The following DYDC2 variants were observed in gnomAD, a reference collection of about 807,000 sequenced individuals.
The protein encoded by DYDC2 is DPY30 domain-containing protein 2.
Under a neutral mutation model 18.7 loss-of-function variants are expected in DYDC2, and 19 were observed. The observed-to-expected ratio is 1.02, with a 90% CI of 0.71 to 1.49. The LOEUF is 1.49. Among genes scored for constraint, DYDC2 ranks in the 40% most tolerant of loss-of-function variants. The pLI is 0.00. For missense variants in DYDC2, 179 were observed against 205.1 expected (o/e 0.87, Z 0.78); for synonymous variants, 63 against 67.6 (o/e 0.93, Z 0.34).
intron 2 of DYDC2, among the ~76,000 whole-genome samples, chr10:80,359,219 G>C (rs1167382530): frequency 6.6e-6 from 1 of 152,180 alleles, no homozygotes; most frequent in Non-Finnish European, 1.5e-5. Flanking sequence ...CAATCCTTGA[G>C]CTAGACACAA....
chr10:80,354,113 C>G (rs1358390747), upstream of DYDC2, among the ~76,000 whole-genome samples: 1 of 144,552 alleles, frequency 6.9e-6, no homozygotes, highest in Non-Finnish European at 1.5e-5. Flanking sequence ...GAGACTCTGT[C>G]TCATATATAA....
upstream of DYDC2, chr10:80,351,783 T>C: frequency 3.4e-6 from 3 of 875,248 alleles, no homozygotes; most frequent in South Asian, 3.4e-5. Flanking sequence ...AAGATGAAGA[T>C]ATTAGGAAGC....
chr10:80,359,630 A>C (rs1413899999), intron 2 of DYDC2, among the ~76,000 whole-genome samples: 1 of 152,086 alleles, frequency 6.6e-6, no homozygotes, highest in African/African-American at 2.4e-5. Context: ...GCATGTCCGG[A>C]GCCCCGTGGG....
chr10:80,356,752 C>T (rs1034891528), upstream of DYDC2: 10 of 985,354 alleles, frequency 1.0e-5, no homozygotes, highest in Middle Eastern at 5.2e-4. Flanking sequence ...AGCGGCGTCC[C>T]GTTGCCAGGC....
chr10:80,357,364 G>C (rs990429384), intron 1 of DYDC2, among the ~76,000 whole-genome samples: 1 of 151,974 alleles, frequency 6.6e-6, no homozygotes, highest in Non-Finnish European at 1.5e-5. Flanking sequence ...TGGGTGAGCC[G>C]AGGAGACTTG....
upstream of DYDC2, chr10:80,356,184 T>C (rs920838484): frequency 1.1e-6 from 1 of 938,456 alleles, no homozygotes; most frequent in Non-Finnish European, 1.3e-6. Flanking sequence ...TCCCTTAGCA[T>C]GTTCCTGTCT....
chr10:80,359,516 C>G (rs1174220500), intron 2 of DYDC2, among the ~76,000 whole-genome samples: 4 of 152,138 alleles, frequency 2.6e-5, no homozygotes, highest in Non-Finnish European at 5.9e-5. Flanking sequence ...AGCCCTTGGG[C>G]GGTCGATGGG....
chr10:80,361,475 A>AT (rs1182541868), intron 2 of DYDC2, among the ~76,000 whole-genome samples: 1 of 152,234 alleles, frequency 6.6e-6, no homozygotes, highest in African/African-American at 2.4e-5. Flanking sequence ...CATATATCTT[A>AT]TTCCTTGTCA....
At chr10:80,363,886 A>G (rs11202680) in intron 4 of DYDC2, among the ~76,000 whole-genome samples, 1 of 152,230 alleles carries the variant, frequency 6.6e-6, no homozygotes, top group African/African-American at 2.4e-5. Flanking sequence ...GTAAGTTATT[A>G]AGCTGGAATA....
chr10:80,366,428 C>T (rs1843839938), intron 4 of DYDC2, among the ~76,000 whole-genome samples: 1 of 152,130 alleles, frequency 6.6e-6, no homozygotes, highest in South Asian at 2.1e-4. Flanking sequence ...GTGTTCTGGA[C>T]ATTGTAGAGG....
chr10:80,356,145 T>C, upstream of DYDC2: 1 of 694,648 alleles, frequency 1.4e-6, no homozygotes, highest in African/African-American at 1.9e-5. Context: ...TCTGGGCATA[T>C]CAGTGGGACC....
Position 80,359,516 on chromosome 10 carries a change from C to T in DYDC2, c.-10+1471C>T, listed in dbSNP as rs1174220500. On this transcript the variant is annotated intron_variant, in intron 2 of 4. Coordinates refer to ENST00000256039, the MANE Select transcript of DYDC2 (RefSeq NM_032372.6). Reference sequence around the variant, plus strand: ...GTGCCCGCACTCCTCAGCCCTTGGGCGGTCGATGGGACCGGGCACCGCGGA... The same window carrying T: ...GTGCCCGCACTCCTCAGCCCTTGGGTGGTCGATGGGACCGGGCACCGCGGA... Among the ~76,000 whole-genome samples, 6 of 152,138 alleles carry T rather than the reference C, an allele frequency of 3.9e-5. No individual in the cohort carries two copies. The South Asian group carries it at 6.2e-4, about 16-fold the overall frequency.
At chr10:80,359,025 A>G (rs1424775726) in intron 2 of DYDC2, among the ~76,000 whole-genome samples, 1 of 152,246 alleles carries the variant, frequency 6.6e-6, no homozygotes, top group African/African-American at 2.4e-5. Context: ...GCAAAAGAAC[A>G]AAGCTTCCAG....
intron 2 of DYDC2, among the ~76,000 whole-genome samples, chr10:80,358,842 G>C (rs1843561412): frequency 1.3e-5 from 2 of 152,292 alleles, no homozygotes; most frequent in South Asian, 4.1e-4. Context: ...CTTAAAGGCG[G>C]CGTGTCCAGA....
At chr10:80,350,945 C>G (rs1262732679) in intron 1 of DYDC2, among the ~76,000 whole-genome samples, 1 of 152,194 alleles carries the variant, frequency 6.6e-6, no homozygotes, top group African/African-American at 2.4e-5. Context: ...AAAGGTCTGC[C>G]TGCTCCACTT....
intron 1 of DYDC2, among the ~76,000 whole-genome samples, chr10:80,349,211 T>C (rs1365910702): frequency 6.6e-6 from 1 of 152,222 alleles, no homozygotes; most frequent in Non-Finnish European, 1.5e-5. Flanking sequence ...TATTTTAAAA[T>C]AGATTTTGAT....
chr10:80,347,276 C>CTTT (rs556362145), intron 1 of DYDC2, among the ~76,000 whole-genome samples: 5 of 90,108 alleles, frequency 5.5e-5, no homozygotes, highest in African/African-American at 1.3e-4. Context: ...AATTGGGATC[C>CTTT]TTTTTTTTTT....
chr10:80,359,763 A>G (rs1387955952), intron 2 of DYDC2, among the ~76,000 whole-genome samples: 1 of 152,154 alleles, frequency 6.6e-6, no homozygotes, highest in Non-Finnish European at 1.5e-5. Flanking sequence ...TGGGGCCTGC[A>G]GTGCTGGCCG....
chr10:80,354,070 C>G (rs1589523368), upstream of DYDC2, among the ~76,000 whole-genome samples: 1 of 149,340 alleles, frequency 6.7e-6, no homozygotes, highest in African/African-American at 2.5e-5. Flanking sequence ...GAGCCAAGAT[C>G]GTGCCACTGC....
Sources: allele counts gnomAD v4.1 joint callset (sites outside exome capture counted in the v4.1 genomes callset), GRCh38; gene constraint gnomAD v4.1.1; transcripts MANE v1.5; gene names NCBI Gene and HGNC (gene_info 2026-07-23, HGNC 2026-07-21).